SDK1: variants seen among roughly 807,000 people sequenced by gnomAD.
SDK1 encodes the protein sidekick cell adhesion molecule 1.
A neutral mutation model predicts 245.5 loss-of-function variants in SDK1; 157 were observed. The ratio of observed to expected loss-of-function variants is 0.64; its 90% confidence interval spans 0.56 to 0.73. The LOEUF (loss-of-function observed/expected upper bound fraction) is 0.73. SDK1 is among the 30% of genes least tolerant of loss of function. SDK1 has a pLI of 0.00. For synonymous variants in SDK1, 1,647 were observed against 1,278.5 expected, an observed-to-expected ratio of 1.29 and a Z score of -6.15; for missense variants, 3,583 against 3,002.3, an observed-to-expected ratio of 1.19 and a Z score of -4.52.
Position 4,235,605 on chromosome 7 carries a change from C to T in SDK1, c.5993-2042C>T, listed in dbSNP as rs112699301. 5.0e-3 allele frequency among the ~76,000 whole-genome samples: 759 copies of T among 152,316 alleles called. 6 individuals are homozygous for T. Among genetic ancestry groups the T allele is most frequent in the African/African-American group, 0.017 (720 of 41,566 alleles). The stretch of plus-strand genomic sequence containing the variant: ...GCACCCCTCATCCTAATTCAGAGAT[C>T]CAAGATTTACTGCCTGAGTTTTATC... On this transcript the variant is annotated intron_variant, in intron 41 of 44. Transcript: ENST00000404826.
intron 5 of SDK1, among the ~76,000 whole-genome samples, chr7:3,828,713 G>A (rs551140444): frequency 2.9e-5 from 4 of 138,152 alleles, no homozygotes; most frequent in African/African-American, 1.1e-4. Flanking sequence ...GTGCAGTAGT[G>A]AGATCATGGC....
chr7:4,234,444 G>A (rs1786017085), intron 41 of SDK1, among the ~76,000 whole-genome samples: 1 of 152,180 alleles, frequency 6.6e-6, no homozygotes, highest in Non-Finnish European at 1.5e-5. Flanking sequence ...ACAGGGTGGG[G>A]GCTGTGACCT....
At chr7:3,445,833 T>C (rs1460534010) in intron 1 of SDK1, among the ~76,000 whole-genome samples, 6 of 152,138 alleles carry the variant, frequency 3.9e-5, no homozygotes, top group Non-Finnish European at 4.4e-5. Context: ...TTTACCCATA[T>C]TTTTGCTTAT....
At chr7:4,204,509 G>A (rs768772632) in intron 35 of SDK1, among the ~76,000 whole-genome samples, 1 of 152,214 alleles carries the variant, frequency 6.6e-6, no homozygotes, top group South Asian at 2.1e-4. Context: ...TTCTGCGCTG[G>A]GGGGAGAGAG....
intron 5 of SDK1, among the ~76,000 whole-genome samples, chr7:3,884,312 G>C (rs1781286755): frequency 6.6e-6 from 1 of 152,208 alleles, no homozygotes; most frequent in Admixed American, 6.5e-5. Flanking sequence ...CTGAGGCTCA[G>C]TGAGGGCCTC....
intron 35 of SDK1, among the ~76,000 whole-genome samples, chr7:4,194,821 G>A (rs906404583): frequency 1.3e-5 from 2 of 152,126 alleles, no homozygotes; most frequent in African/African-American, 4.8e-5. Flanking sequence ...ACACGCCCAG[G>A]ATTAATACTT....
chr7:3,331,902 A>C (rs901204609), intron 1 of SDK1, among the ~76,000 whole-genome samples: 2 of 152,230 alleles, frequency 1.3e-5, no homozygotes, highest in Admixed American at 1.3e-4. Flanking sequence ...ATAAAATGTA[A>C]CCTTGCAATG....
intron 1 of SDK1, among the ~76,000 whole-genome samples, chr7:3,535,163 C>A (rs903652584): frequency 5.9e-5 from 9 of 152,106 alleles, no homozygotes; most frequent in African/African-American, 2.2e-4. Context: ...GTAATCCCAG[C>A]TACTCAGGAG....
chr7:3,840,824 C>T (rs1780138673), intron 5 of SDK1, among the ~76,000 whole-genome samples: 1 of 152,192 alleles, frequency 6.6e-6, no homozygotes, highest in Non-Finnish European at 1.5e-5. Context: ...AGTCTTAGGA[C>T]CCATGCCAGA....
rs117811191 is a variant in SDK1, at chr7:3,681,303, A to G, written c.713+39198A>G. Among the ~76,000 whole-genome samples the G allele has an allele frequency of 1.4e-3, 211 of 152,158 alleles. 7 individuals carry two copies. In the East Asian group the frequency reaches 0.037, roughly 27 times the overall value. On this transcript the variant is annotated intron_variant, in intron 4 of 44. Transcript: ENST00000404826. ...AGCATTCGTATTTGTTCTGGAAAGC[A>G]TTCGTTTTCATTGCTGTTTAAGATT...
intron 1 of SDK1, among the ~76,000 whole-genome samples, chr7:3,354,585 G>A (rs959123890): frequency 4.4e-4 from 67 of 152,124 alleles, no homozygotes; most frequent in African/African-American, 1.5e-3. Flanking sequence ...AAAGAAAATT[G>A]TCAAATGTAA....
chr7:3,867,982 T>A (rs1365452136), intron 5 of SDK1, among the ~76,000 whole-genome samples: 1 of 152,156 alleles, frequency 6.6e-6, no homozygotes, highest in Non-Finnish European at 1.5e-5. Context: ...CTCCACAGAT[T>A]GTGTAAAACT....
At chr7:3,475,831 G>A (rs1359880158) in intron 1 of SDK1, among the ~76,000 whole-genome samples, 2 of 152,152 alleles carry the variant, frequency 1.3e-5, no homozygotes, top group African/African-American at 2.4e-5. Flanking sequence ...CACCTGAGCT[G>A]CCTCTCTGGC....
chr7:3,630,245 G>A (rs1325109627), intron 2 of SDK1, among the ~76,000 whole-genome samples: 2 of 152,130 alleles, frequency 1.3e-5, no homozygotes, highest in African/African-American at 4.8e-5. Flanking sequence ...CCCAATTACT[G>A]GAGTTACCAG....
chr7:3,561,191 C>G (rs1164409939), intron 1 of SDK1, among the ~76,000 whole-genome samples: 2 of 152,278 alleles, frequency 1.3e-5, no homozygotes, highest in South Asian at 4.1e-4. Flanking sequence ...CCTGATCTGT[C>G]TCCACAGTTC....
chr7:3,598,262 A>G (rs1781132767), intron 1 of SDK1, among the ~76,000 whole-genome samples: 1 of 152,172 alleles, frequency 6.6e-6, no homozygotes, highest in African/African-American at 2.4e-5. Flanking sequence ...CTTTTCTATC[A>G]TTGATGAGTA....
chr7:3,969,314 CG>C lies in SDK1; in HGVS notation c.1610del (p.Gly537ValfsTer26). 3.1e-6 allele frequency: 5 copies of C among 1,610,784 alleles called. No individual in the cohort carries two copies. The highest frequency in any genetic ancestry group is 1.7e-4 in the Middle Eastern group (1 of 6,060). On this transcript the variant is annotated frameshift_variant, in exon 11 of 45. Transcript: ENST00000404826. LOFTEE classifies it high-confidence loss of function. ...ATTCCTAGGTTCATGCTTCTTGAATCGGGGGGTCTACAGATCGCGCCCGTCT... is the reference window on the plus strand; with the variant it reads ...ATTCCTAGGTTCATGCTTCTTGAATCGGGGGTCTACAGATCGCGCCCGTCT... ...VRIPRFMLLESGGLQIAPVFI... is the reference protein window; with the variant it reads ...VRIPRFMLLEXGGLQIAPVFI...
chr7:3,550,800 T>G (rs974749615), intron 1 of SDK1, among the ~76,000 whole-genome samples: 5 of 152,238 alleles, frequency 3.3e-5, no homozygotes, highest in African/African-American at 1.2e-4. Context: ...TTGCCATATT[T>G]CCTTCTATTT....
chr7:4,182,024 A>G (rs1185325120), intron 35 of SDK1, among the ~76,000 whole-genome samples: 2 of 152,070 alleles, frequency 1.3e-5, no homozygotes, highest in Non-Finnish European at 2.9e-5. Flanking sequence ...GGTTCAAGCA[A>G]TTCTCCTGCC....
Sources: gnomAD v4.1 joint callset for allele counts (sites outside exome capture counted in the v4.1 genomes callset) on GRCh38, gnomAD v4.1.1 for gene constraint, MANE v1.5 for transcripts, NCBI Gene and HGNC (gene_info 2026-07-23, HGNC 2026-07-21) for gene names.